XYLT1: variants seen among roughly 807,000 people sequenced by gnomAD.
XYLT1 encodes beta-D-xylosyltransferase 1.
XYLT1 carries 36 observed loss-of-function variants against 91.3 expected under a neutral mutation model. The ratio of observed to expected loss-of-function variants is 0.39; its 90% confidence interval spans 0.30 to 0.52. The LOEUF (loss-of-function observed/expected upper bound fraction) is 0.52. XYLT1 is among the 20% of genes least tolerant of loss of function. The pLI, the probability that XYLT1 is intolerant of heterozygous loss-of-function variation, is 0.68. For missense variants in XYLT1, 1,242 were observed against 1,284.5 expected, an observed-to-expected ratio of 0.97 and a Z score of 0.51; for synonymous variants, 588 against 532.0, an observed-to-expected ratio of 1.11 and a Z score of -1.45.
chr16:17,216,628 G>A (rs1348929697), intron 3 of XYLT1, among the ~76,000 whole-genome samples: 8 of 152,250 alleles, frequency 5.3e-5, no homozygotes, highest in African/African-American at 9.6e-5. Flanking sequence ...CTGGTCACTC[G>A]GCCAAGCCCT....
At chr16:17,292,081 T>C (rs1347690627) in intron 2 of XYLT1, among the ~76,000 whole-genome samples, 1 of 148,984 alleles carries the variant, frequency 6.7e-6, no homozygotes, top group Admixed American at 6.7e-5. Context: ...CACTAAACCA[T>C]ACACACACAC....
intron 1 of XYLT1, among the ~76,000 whole-genome samples, chr16:17,433,906 C>G (rs2036421224): frequency 6.6e-6 from 1 of 151,794 alleles, no homozygotes; most frequent in Non-Finnish European, 1.5e-5. Flanking sequence ...TCCTTCATTC[C>G]TAGCGGCAAG....
chr16:17,105,644 T>C lies in XYLT1; in HGVS notation c.*3051A>G, dbSNP rs1257872394. 4 of 151,964 alleles carry C rather than the reference T, an allele frequency of 2.6e-5. No homozygotes were observed. Among genetic ancestry groups the C allele is most frequent in the African/African-American group, 9.7e-5 (4 of 41,344 alleles). 9.4% of individuals were successfully genotyped at this position (151,964 alleles called of 1,614,324 possible). On this transcript the variant is annotated 3_prime_UTR_variant, in exon 12 of 12. Coordinates refer to ENST00000261381, the MANE Select transcript of XYLT1 (RefSeq NM_022166.4). ...TGCCGCAGCCTAAAGAATGCTTCCT[T>C]CTCCACAAACCAATACCCCAAGGCC...
intron 5 of XYLT1, chr16:17,193,151 A>T (rs1036044677): frequency 1.3e-5 from 2 of 152,078 alleles, no homozygotes; most frequent in Non-Finnish European, 2.9e-5. Context: ...AGTTCAAGAA[A>T]TACTTTGCTA....
intron 1 of XYLT1, among the ~76,000 whole-genome samples, chr16:17,466,076 C>G (rs988166483): frequency 6.6e-6 from 1 of 152,166 alleles, no homozygotes; most frequent in Admixed American, 6.5e-5. Context: ...ACACCCCTTC[C>G]TTAGAATGCA....
chr16:17,325,600 G>GA (rs1013449416), intron 2 of XYLT1, among the ~76,000 whole-genome samples: 1 of 151,972 alleles, frequency 6.6e-6, no homozygotes. Context: ...AAGAAGACTG[G>GA]AAAAAAACAT....
At position 17,105,591 on chromosome 16, in the gene XYLT1, C is replaced by T. The variant is rs1966762861; in HGVS notation, c.*3104G>A. On this transcript the variant is annotated 3_prime_UTR_variant, in exon 12 of 12. Transcript: ENST00000261381. ...CTGAGCTCAATTTCTGCCTGAATGT[C>T]ACTCGGTGGGTGGGAAACTATAAGG... The T allele has an allele frequency of 6.6e-6, 1 of 152,120 alleles. No homozygotes were observed. The highest frequency in any genetic ancestry group is 2.4e-5 in the African/African-American group (1 of 41,412). 9.4% of individuals were successfully genotyped at this position (152,120 alleles called of 1,614,324 possible).
intron 2 of XYLT1, among the ~76,000 whole-genome samples, chr16:17,268,145 C>T (rs2033834121): frequency 1.3e-5 from 2 of 152,108 alleles, no homozygotes; most frequent in African/African-American, 4.8e-5. Flanking sequence ...AACTCCACTG[C>T]ACGTCATACT....
intron 1 of XYLT1, among the ~76,000 whole-genome samples, chr16:17,464,972 C>G (rs1170129479): frequency 1.3e-5 from 2 of 151,552 alleles, no homozygotes; most frequent in African/African-American, 4.8e-5. Context: ...TGGTGAAACC[C>G]TGTCTCTACT....
At chr16:17,187,393 CAAA>C (rs71137979) in intron 5 of XYLT1, among the ~76,000 whole-genome samples, 30 of 55,300 alleles carry the variant, frequency 5.4e-4, no homozygotes, top group Non-Finnish European at 8.0e-4. Flanking sequence ...GACTCAGTTT[CAAA>C]AAAAAAAAAA....
At position 17,184,185 on chromosome 16, in the gene XYLT1, CTT is replaced by C. The variant is rs71390593; in HGVS notation, c.1289+14025_1289+14026del. On this transcript the variant is annotated intron_variant, in intron 5 of 11. Transcript: ENST00000261381. The stretch of plus-strand genomic sequence containing the variant: ...GGAGAAAAAGTCACATAAAAGACGG[CTT>C]TTTTTTTTTTTTTTTTTTGCCAATA... Among the ~76,000 whole-genome samples the C allele has an allele frequency of 1.8e-3, 192 of 107,468 alleles. 1 individual carries two copies. In the South Asian group the frequency reaches 0.024, roughly 14 times the overall value. 70.5% of individuals were successfully genotyped at this position (107,468 alleles called of 152,430 possible). A position where few individuals can be genotyped will look rare whatever the true frequency, so the allele number is the denominator to read the frequency against.
intron 6 of XYLT1, among the ~76,000 whole-genome samples, chr16:17,154,242 T>C (rs2031352195): frequency 6.6e-6 from 1 of 152,146 alleles, no homozygotes; most frequent in Non-Finnish European, 1.5e-5. Context: ...CCCATGGCTG[T>C]GGTATAGAAG....
intron 8 of XYLT1, among the ~76,000 whole-genome samples, chr16:17,135,584 C>T (rs1197775069): frequency 1.4e-5 from 2 of 144,528 alleles, no homozygotes; most frequent in African/African-American, 5.3e-5. Context: ...AAAAAAAATT[C>T]CCAGGTGATT....
chr16:17,219,490 T>C (rs1020301540), intron 3 of XYLT1, among the ~76,000 whole-genome samples: 1 of 152,132 alleles, frequency 6.6e-6, no homozygotes, highest in African/African-American at 2.4e-5. Flanking sequence ...GTCTTGGTGC[T>C]TGTATTAATC....
intron 3 of XYLT1, among the ~76,000 whole-genome samples, chr16:17,220,618 G>C (rs1439398813): frequency 6.6e-6 from 1 of 152,172 alleles, no homozygotes; most frequent in Non-Finnish European, 1.5e-5. Flanking sequence ...GATTACAGGT[G>C]TGTGCCACCA....
intron 7 of XYLT1, among the ~76,000 whole-genome samples, chr16:17,140,418 T>C (rs917256287): frequency 6.6e-6 from 1 of 152,056 alleles, no homozygotes; most frequent in Admixed American, 6.6e-5. Flanking sequence ...CCCAGCACTT[T>C]GAGAGGCTGA....
intron 5 of XYLT1, among the ~76,000 whole-genome samples, chr16:17,182,947 G>A (rs966397469): frequency 1.3e-5 from 2 of 152,326 alleles, no homozygotes; most frequent in Admixed American, 1.3e-4. Context: ...TATTCCATTA[G>A]AGAAAGAAAG....
intron 2 of XYLT1, among the ~76,000 whole-genome samples, chr16:17,324,730 A>G (rs1220081484): frequency 6.6e-6 from 1 of 152,198 alleles, no homozygotes; most frequent in Non-Finnish European, 1.5e-5. Flanking sequence ...ATAGGATTCT[A>G]TTTAATGTGC....
Position 17,340,010 on chromosome 16 carries a change from C to T in XYLT1, c.402+18002G>A, listed in dbSNP as rs568015307. ...TTGTCCACCCATCCCTCTATCCATCCACCCATCCCTCTATCCATCCACCCA... is the reference window on the plus strand; with the variant it reads ...TTGTCCACCCATCCCTCTATCCATCTACCCATCCCTCTATCCATCCACCCA... On this transcript the variant is annotated intron_variant, in intron 2 of 11. Transcript: ENST00000261381. Among the ~76,000 whole-genome samples the T allele has an allele frequency of 8.6e-5, 13 of 151,966 alleles. No homozygotes were observed. In the East Asian group the frequency reaches 2.5e-3, roughly 29 times the overall value.
Sources: gnomAD v4.1 joint callset for allele counts (sites outside exome capture counted in the v4.1 genomes callset) on GRCh38, gnomAD v4.1.1 for gene constraint, MANE v1.5 for transcripts, NCBI Gene and HGNC (gene_info 2026-07-23, HGNC 2026-07-21) for gene names.